BPTF: variants seen among roughly 807,000 people sequenced by gnomAD.
BPTF encodes the protein bromodomain PHD finger transcription factor.
In BPTF, 18 loss-of-function variants were observed where a neutral mutation model predicts 292.5. The ratio of observed to expected loss-of-function variants is 0.06; its 90% CI spans 0.04 to 0.09. The LOEUF is 0.09. Ranked by LOEUF, BPTF falls within the 10% of genes least tolerant of loss-of-function variation. The pLI, the probability that BPTF is intolerant of heterozygous loss-of-function variation, is 1.00. For missense variants in BPTF, 2,726 were observed against 3,498.7 expected, an observed-to-expected ratio of 0.78 and a Z score of 5.57; for synonymous variants, 1,225 against 1,251.9, an observed-to-expected ratio of 0.98 and a Z score of 0.45.
chr17:67,922,785 G>C, intron 13 of BPTF, 55 bp from the exon 14 acceptor site: 1 of 1,543,714 alleles, frequency 6.5e-7, no homozygotes, highest in Non-Finnish European at 8.7e-7. Context: ...GATGCCAGAA[G>C]TACTTTAATT....
chr17:67,955,390 ACT>A (rs1239040335), intron 23 of BPTF: 3 of 151,932 alleles, frequency 2.0e-5, no homozygotes, highest in Non-Finnish European at 2.9e-5. Context: ...GGCACAGCAA[ACT>A]CTATTTCAGG....
chr17:67,916,096 CT>C, intron 11 of BPTF, among the ~76,000 whole-genome samples: 1 of 152,182 alleles, frequency 6.6e-6, no homozygotes. Context: ...CACTTTCCCC[CT>C]CTTGGGACAT....
chr17:67,891,913 C>G lies in BPTF; in HGVS notation c.1934C>G (p.Ser645Cys), dbSNP rs777549695. Residue 645 changes from serine (S) to cysteine (C), a missense_variant, in exon 5 of 28, where the codon TCT (serine) becomes TGT (cysteine). This residue lies in a region of BPTF where 187 missense variants were observed against 201.5 expected (regional missense o/e 0.93). Transcript: ENST00000306378. ...SESPGAGKGASGSTRIITRLR... is the reference protein window; with the variant it reads ...SESPGAGKGACGSTRIITRLR... ...TCTCCTGGAGCTGGAAAAGGAGCAT[C>G]TGGCTCAACTCGAATCATCACCAGA... is the stretch of plus-strand genomic sequence containing the variant. The G allele has an allele frequency of 6.2e-7, 1 of 1,612,492 alleles. No homozygotes were observed. The highest frequency in any genetic ancestry group is 8.5e-7 in the Non-Finnish European group (1 of 1,179,420).
chr17:67,843,822 A>G (rs1245683690), intron 1 of BPTF, among the ~76,000 whole-genome samples: 10 of 135,424 alleles, frequency 7.4e-5, no homozygotes, highest in African/African-American at 2.3e-4. Context: ...CTGGAATGCA[A>G]TGGCGCAATC....
chr17:67,853,761 T>C (rs572972785), intron 1 of BPTF, among the ~76,000 whole-genome samples, 179 bp from the exon 2 acceptor site: 75 of 152,296 alleles, frequency 4.9e-4, no homozygotes, highest in Admixed American at 1.8e-3. Flanking sequence ...AAACTTTGCA[T>C]TTAGATTTTC....
At chr17:67,918,604 C>A in intron 11 of BPTF, 110 bp from the exon 12 acceptor site, 2 of 988,072 alleles carry the variant, frequency 2.0e-6, no homozygotes, top group East Asian at 2.7e-5. Context: ...ATACTGGAGT[C>A]CTAATGAGGA....
At chr17:67,932,868 A>AT (rs1678200093) in intron 18 of BPTF, among the ~76,000 whole-genome samples, 1 of 152,176 alleles carries the variant, frequency 6.6e-6, no homozygotes, top group East Asian at 1.9e-4. Context: ...AAAGACAAGG[A>AT]TGGCCCTACT....
At chr17:67,833,431 C>T (rs1425954071) in intron 1 of BPTF, among the ~76,000 whole-genome samples, 1 of 152,058 alleles carries the variant, frequency 6.6e-6, no homozygotes, top group Non-Finnish European at 1.5e-5. Context: ...GACATCTGAA[C>T]TGTTTCCACT....
intron 23 of BPTF, among the ~76,000 whole-genome samples, chr17:67,954,132 ACGGGC>A (rs2066699453): frequency 7.8e-6 from 1 of 127,690 alleles, no homozygotes; most frequent in Admixed American, 7.8e-5. Context: ...GACTACGGGT[ACGGGC>A]GAATGCCATG....
Position 67,826,166 on chromosome 17 carries a change from G to A in BPTF, c.442G>A (p.Glu148Lys), listed in dbSNP as rs2056003339. 1 of 1,564,896 alleles carries A rather than the reference G, an allele frequency of 6.4e-7. No individual in the cohort carries two copies. The highest frequency in any genetic ancestry group is 8.8e-7 in the Non-Finnish European group (1 of 1,135,510). Residue 148 changes from glutamate to lysine, a missense_variant, in exon 1 of 28, where the codon GAG (glutamate) becomes AAG (lysine). This residue lies in a region of BPTF where 153 missense variants were observed against 178.3 expected (regional missense o/e 0.86). Coordinates refer to ENST00000306378, the MANE Select transcript of BPTF (RefSeq NM_182641.4). Reference sequence around the variant, plus strand: ...CATGGTCTCCGAGGAGGAGGAGGAGGAGGACGGCGACGCCGAGGAGACCCA... The same window carrying A: ...CATGGTCTCCGAGGAGGAGGAGGAGAAGGACGGCGACGCCGAGGAGACCCA... ...EDMVSEEEEE[E>K]DGDAEETQDS...
intron 1 of BPTF, among the ~76,000 whole-genome samples, chr17:67,849,983 A>G (rs1056580193): frequency 1.3e-5 from 2 of 152,164 alleles, no homozygotes; most frequent in Admixed American, 6.5e-5. Context: ...TTCTAGGCCT[A>G]TTGAATCAGT....
At position 67,854,364 on chromosome 17, in the gene BPTF, C is replaced by T; in HGVS notation, c.1038C>T (p.Tyr346=). The T allele has an allele frequency of 3.1e-6, 5 of 1,614,174 alleles. No individual in the cohort carries two copies. Among genetic ancestry groups the T allele is most frequent in the Non-Finnish European group, 4.2e-6 (5 of 1,180,040 alleles). The stretch of plus-strand genomic sequence containing the variant: ...AGGAGTACCATCACGTTCTTCCTTA[C>T]CAAGAGGCAGAGGACTACCCATATG... ...SDKEYHHVLP[Y]QEAEDYPYGP... The change falls in exon 2 of 28, where the codon TAC becomes TAT. Residue 346 remains tyrosine, a synonymous_variant. Coordinates refer to ENST00000306378, the MANE Select transcript of BPTF (RefSeq NM_182641.4). This position sits in a 1 kb window ranked among gnomAD's most constrained non-coding sequence, Gnocchi z 5.6.
Position 67,929,500 on chromosome 17 carries a change from A to C in BPTF, c.6150+13A>C, listed in dbSNP as rs751357403. 2 of 1,613,342 alleles carry C rather than the reference A, an allele frequency of 1.2e-6. No homozygotes were observed. The highest frequency in any genetic ancestry group is 1.1e-5 in the South Asian group (1 of 90,952). ...AAGCAATTCACAAGTAAGAATTCTT[A>C]CAGACTTATTTGGTTTGATGTGTTG... On this transcript the variant is annotated intron_variant, in intron 17 of 27. Coordinates refer to ENST00000306378, the MANE Select transcript of BPTF (RefSeq NM_182641.4).
intron 19 of BPTF, among the ~76,000 whole-genome samples, chr17:67,942,863 C>T (rs1568132587): frequency 6.6e-6 from 1 of 151,328 alleles, no homozygotes. Context: ...AAGTAGCTGC[C>T]AAAAAAAATA....
chr17:67,898,155 A>C (rs2061574949), intron 7 of BPTF, among the ~76,000 whole-genome samples: 1 of 152,322 alleles, frequency 6.6e-6, no homozygotes, highest in Admixed American at 6.5e-5. Context: ...GGATCACTTG[A>C]GCCCAGGAGT....
Position 67,983,527 on chromosome 17 carries a change from TGTTG to T in BPTF, c.*1243_*1246del, listed in dbSNP as rs1301850983. 3 of 152,698 alleles carry T rather than the reference TGTTG, an allele frequency of 2.0e-5. No homozygotes were observed. The highest frequency in any genetic ancestry group is 4.8e-5 in the African/African-American group (2 of 41,474). 9.5% of individuals were successfully genotyped at this position (152,698 alleles called of 1,614,324 possible). On this transcript the variant is annotated 3_prime_UTR_variant, in exon 28 of 28. Coordinates refer to ENST00000306378, the MANE Select transcript of BPTF (RefSeq NM_182641.4). Reference sequence around the variant, plus strand: ...TTGTTGATTGGGTTTGTTTTCTGTTTGTTGGTTTGTTTGTTTCTTCCACGTAAGG... The same window carrying T: ...TTGTTGATTGGGTTTGTTTTCTGTTTGTTTGTTTGTTTCTTCCACGTAAGG...
chr17:67,893,453 T>C lies in BPTF; in HGVS notation c.2139T>C (p.Tyr713=), dbSNP rs768306758. 7.4e-6 allele frequency: 12 copies of C among 1,614,058 alleles called. No homozygotes were observed. Among genetic ancestry groups the C allele is most frequent in the Non-Finnish European group, 8.5e-7 (1 of 1,180,028 alleles). ...EVIMKGNINN[Y]FKLGQEGKYR... ...TCATGAAAGGAAATATCAACAATTA[T>C]TTTAAATTGGGTCAAGAAGGGAAGT... The change falls in exon 6 of 28, where the codon TAT becomes TAC. Residue 713 remains tyrosine, a synonymous_variant. Transcript: ENST00000306378.
chr17:67,928,104 G>A (rs762782270), intron 15 of BPTF, among the ~76,000 whole-genome samples: 26 of 151,998 alleles, frequency 1.7e-4, no homozygotes, highest in Non-Finnish European at 3.2e-4. Context: ...GGCTGGTCTC[G>A]AACTCCTGAC....
chr17:67,913,770 T>C (rs1235512523), intron 11 of BPTF, among the ~76,000 whole-genome samples: 1 of 152,204 alleles, frequency 6.6e-6, no homozygotes, highest in African/African-American at 2.4e-5. Context: ...CTGGGCACTT[T>C]AGGTTTAGGG....
Sources: allele counts gnomAD v4.1 joint callset (sites outside exome capture counted in the v4.1 genomes callset), GRCh38; gene constraint gnomAD v4.1.1; regional missense constraint gnomAD v4.1.1; non-coding constraint Gnocchi (gnomAD v3.1); transcripts MANE v1.5; gene names NCBI Gene and HGNC (gene_info 2026-07-23, HGNC 2026-07-21).